TRAIP: variants seen among roughly 807,000 people sequenced by gnomAD.
TRAIP encodes the protein TRAF interacting protein, also known as E3 ubiquitin-protein ligase TRAIP.
Under a neutral mutation model 65.0 loss-of-function variants are expected in TRAIP, and 37 were observed. The ratio of observed to expected loss-of-function variants is 0.57; its 90% confidence interval spans 0.44 to 0.75. The LOEUF (loss-of-function observed/expected upper bound fraction) is 0.75, where lower values mean the gene tolerates loss of function less well. Among genes scored for constraint, TRAIP ranks in the 30% least tolerant of loss-of-function variants. The probability of loss-of-function intolerance (pLI) is 0.00; values close to 1 mark genes in which losing one functional copy is unlikely to be tolerated. For missense variants in TRAIP, 481 were observed against 579.4 expected (o/e 0.83, Z 1.74); for synonymous variants, 187 against 219.1 (o/e 0.85, Z 1.29).
chr3:49,840,922 C>T, intron 8 of TRAIP, 63 bp downstream of exon 8: 2 of 1,498,978 alleles, frequency 1.3e-6, no homozygotes, highest in Non-Finnish European at 1.9e-6. Context: ...GCTCAGGAGA[C>T]CAGAGTGAAC....
intron 10 of TRAIP, among the ~76,000 whole-genome samples, chr3:49,832,316 C>A (rs560468636): frequency 5.9e-5 from 9 of 152,110 alleles, no homozygotes; most frequent in Middle Eastern, 3.4e-3. Flanking sequence ...CATGGTGAAA[C>A]CCCATCCTAC....
Position 49,856,489 on chromosome 3 carries a change from A to C in TRAIP, c.-36T>G, listed in dbSNP as rs1469926904. 6.3e-7 allele frequency: 1 copy of C among 1,591,910 alleles called. No individual in the cohort carries two copies. The highest frequency in any genetic ancestry group is 8.6e-7 in the Non-Finnish European group (1 of 1,163,634). On this transcript the variant is annotated 5_prime_UTR_variant, in exon 1 of 15. Coordinates refer to ENST00000331456, the MANE Select transcript of TRAIP (RefSeq NM_005879.3). ...CTCAAGGGGCCCAGGCAGCCAAAGA[A>C]ACTGCTACAGGTCCGGCTTCGTAGA... is the stretch of plus-strand genomic sequence containing the variant.
chr3:49,829,024 T>A lies in TRAIP; in HGVS notation c.*79A>T. ...GGCTGGTCCCGAAAGTGGGGCTCTG[T>A]CCACAAAACCCCTGCCTGGACAGTC... On this transcript the variant is annotated 3_prime_UTR_variant, in exon 15 of 15. Coordinates refer to ENST00000331456, the MANE Select transcript of TRAIP (RefSeq NM_005879.3). The A allele has an allele frequency of 5.0e-6, 8 of 1,604,310 alleles. No individual in the cohort carries two copies. Among genetic ancestry groups the A allele is most frequent in the Non-Finnish European group, 6.0e-6 (7 of 1,172,930 alleles).
At chr3:49,831,022 A>G (rs7648987) in intron 11 of TRAIP, among the ~76,000 whole-genome samples, 69,471 of 152,066 alleles carry the variant, frequency 0.46, 16,556 homozygotes, top group African/African-American at 0.52. Context: ...CAGCGGAAGA[A>G]GGGCAATGGG....
intron 9 of TRAIP, among the ~76,000 whole-genome samples, 172 bp downstream of exon 9, chr3:49,840,112 C>T (rs1162864844): frequency 1.3e-5 from 2 of 152,198 alleles, no homozygotes; most frequent in East Asian, 3.9e-4. Context: ...GTTGAGGAGG[C>T]CCAGGCTCCA....
intron 10 of TRAIP, among the ~76,000 whole-genome samples, chr3:49,836,391 T>C (rs191975899): frequency 2.8e-4 from 43 of 151,198 alleles, no homozygotes; most frequent in Non-Finnish European, 5.3e-4. Context: ...ACTGGGGAGG[T>C]TGAGGCAGGA....
chr3:49,840,114 C>T (rs1370884166), intron 9 of TRAIP, among the ~76,000 whole-genome samples, 170 bp downstream of exon 9: 1 of 152,184 alleles, frequency 6.6e-6, no homozygotes, highest in Non-Finnish European at 1.5e-5. Flanking sequence ...TGAGGAGGCC[C>T]AGGCTCCAGT....
At chr3:49,842,940 T>C (rs2081850994) in intron 5 of TRAIP, among the ~76,000 whole-genome samples, 1 of 152,114 alleles carries the variant, frequency 6.6e-6, no homozygotes, top group South Asian at 2.1e-4. Context: ...CCCAGACCCA[T>C]GGACAGTTGC....
intron 1 of TRAIP, among the ~76,000 whole-genome samples, chr3:49,851,700 CTTTTT>C (rs35171858): frequency 7.0e-6 from 1 of 142,882 alleles, no homozygotes; most frequent in Admixed American, 7.1e-5. Flanking sequence ...CAAAAAAACA[CTTTTT>C]TTTTTTTTTA....
At position 49,841,932 on chromosome 3, in the gene TRAIP, G is replaced by A. The variant is rs1014548819; in HGVS notation, c.511C>T (p.Leu171Phe). Reference protein sequence around the residue: ...SKMKTMEQIELLLQSQRPEVE... With the variant: ...SKMKTMEQIEFLLQSQRPEVE... ...TCAGGGCGCTGGCTCTGGAGTAGAA[G>A]CTCAATCCTGAAAAATACACCCAGC... The change falls in exon 7 of 15, where the codon CTT (leucine) becomes TTT (phenylalanine). Residue 171 changes from leucine to phenylalanine, a missense_variant. Coordinates refer to ENST00000331456, the MANE Select transcript of TRAIP (RefSeq NM_005879.3). The A allele has an allele frequency of 6.2e-7, 1 of 1,613,934 alleles. No individual in the cohort carries two copies. Among genetic ancestry groups the A allele is most frequent in the African/African-American group, 1.3e-5 (1 of 74,942 alleles).
intron 8 of TRAIP, 112 bp from the exon 9 acceptor site, chr3:49,840,485 T>A (rs1398146827): frequency 3.6e-6 from 3 of 831,772 alleles, no homozygotes; most frequent in Non-Finnish European, 5.9e-6. Flanking sequence ...ACTAGAGATA[T>A]GGGCAGAGAT....
At chr3:49,847,229 A>T (rs1001685740) in intron 3 of TRAIP, among the ~76,000 whole-genome samples, 7 of 148,662 alleles carry the variant, frequency 4.7e-5, no homozygotes, top group African/African-American at 1.7e-4. Flanking sequence ...ATAAAATAAA[A>T]AAATTAACCG....
intron 4 of TRAIP, 144 bp downstream of exon 4, chr3:49,844,397 C>A: frequency 1.1e-6 from 1 of 894,370 alleles, no homozygotes; most frequent in Non-Finnish European, 1.7e-6. Flanking sequence ...CTGCCCACCA[C>A]AACAGCTAGC....
intron 7 of TRAIP, among the ~76,000 whole-genome samples, chr3:49,841,562 T>C (rs1331107203): frequency 6.6e-6 from 1 of 152,252 alleles, no homozygotes; most frequent in Non-Finnish European, 1.5e-5. Flanking sequence ...GAAACAGCAC[T>C]TAAGATTCAC....
intron 12 of TRAIP, 28 bp from the exon 13 acceptor site, chr3:49,829,794 T>C (rs758925125): frequency 4.7e-5 from 76 of 1,612,880 alleles, no homozygotes; most frequent in Non-Finnish European, 6.1e-5. Context: ...GGGCCAGACT[T>C]GATGAGCTGG....
rs2081704918 is a variant in TRAIP, at chr3:49,828,762, A to C, written c.*341T>G. The C allele has an allele frequency of 1.4e-5, 4 of 282,008 alleles. No individual in the cohort carries two copies. The highest frequency in any genetic ancestry group is 7.2e-5 in the East Asian group (1 of 13,892). The allele number at this position is 282,008 out of a possible 1,614,324, so 17.5% of individuals were successfully genotyped here. On this transcript the variant is annotated 3_prime_UTR_variant, in exon 15 of 15. Coordinates refer to ENST00000331456, the MANE Select transcript of TRAIP (RefSeq NM_005879.3). ...TGAGGCTGCCTGAGATGCCTCAAGC[A>C]CTCTGGTCCACAGAGACAGTCAACA...
In TRAIP at chr3:49,853,573, C is replaced by T. The variant is rs542404533; in HGVS notation, c.98+2783G>A. Among the ~76,000 whole-genome samples, 22 of 152,228 alleles carry T rather than the reference C, an allele frequency of 1.4e-4. No homozygotes were observed. In the South Asian group the frequency reaches 3.3e-3, roughly 23 times the overall value. ...TAAATTAGACAAGATAGGCCAGGCA[C>T]GGTAGCTCACGCCTGTAATCCCAGC... On this transcript the variant is annotated intron_variant, in intron 1 of 14. Transcript: ENST00000331456.
At chr3:49,850,301 C>A in intron 1 of TRAIP, among the ~76,000 whole-genome samples, 1 of 151,850 alleles carries the variant, frequency 6.6e-6, no homozygotes. Flanking sequence ...AAGTTTGAGA[C>A]CAGCCTGACC....
chr3:49,848,113 G>A (rs1252676850), intron 2 of TRAIP, 30 bp downstream of exon 2: 1 of 1,611,420 alleles, frequency 6.2e-7, no homozygotes. Flanking sequence ...GATCTCTTCA[G>A]TTGAGGTGGT....
Sources: allele counts gnomAD v4.1 joint callset (sites outside exome capture counted in the v4.1 genomes callset), GRCh38; gene constraint gnomAD v4.1.1; transcripts MANE v1.5; gene names NCBI Gene and HGNC (gene_info 2026-07-23, HGNC 2026-07-21).